NAALADL2: variants seen among roughly 807,000 people sequenced by gnomAD.
The protein encoded by NAALADL2 is N-acetylated alpha-linked acidic dipeptidase like 2, also known as inactive N-acetylated-alpha-linked acidic dipeptidase-like protein 2.
Under a neutral mutation model 87.2 loss-of-function variants are expected in NAALADL2, and 76 were observed. The observed-to-expected ratio is 0.87, with a 90% CI of 0.72 to 1.05. NAALADL2 has a LOEUF of 1.05. NAALADL2 is among the 50% of genes least tolerant of loss of function. The pLI, the probability that NAALADL2 is intolerant of heterozygous loss-of-function variation, is 0.00. For missense variants in NAALADL2, 1,089 were observed against 945.8 expected (o/e 1.15, Z -1.99); for synonymous variants, 354 against 331.0 (o/e 1.07, Z -0.75).
intron 9 of NAALADL2, among the ~76,000 whole-genome samples, chr3:175,533,289 A>G (rs1734348583): frequency 6.6e-6 from 1 of 152,214 alleles, no homozygotes; most frequent in Admixed American, 6.5e-5. Flanking sequence ...AGTGTAGCAC[A>G]TCTCCTCATG....
chr3:174,910,127 T>C (rs1049035393), intron 1 of NAALADL2, among the ~76,000 whole-genome samples: 3 of 151,942 alleles, frequency 2.0e-5, no homozygotes, highest in Non-Finnish European at 4.4e-5. Flanking sequence ...TTTTTAGAGA[T>C]TGGCTTTAAG....
At chr3:175,468,832 G>A (rs992136437) in intron 8 of NAALADL2, among the ~76,000 whole-genome samples, 3 of 151,980 alleles carry the variant, frequency 2.0e-5, no homozygotes, top group African/African-American at 7.2e-5. Flanking sequence ...ATCAATGTGG[G>A]CTTGCATGTG....
intron 3 of NAALADL2, among the ~76,000 whole-genome samples, chr3:174,772,687 G>A (rs1305353271): frequency 6.6e-6 from 1 of 152,094 alleles, no homozygotes; most frequent in Non-Finnish European, 1.5e-5. Context: ...TTACGTGAAT[G>A]AAGTCTGCGT....
Position 175,598,069 on chromosome 3 carries a change from G to A in NAALADL2, c.1800+21882G>A, listed in dbSNP as rs375060613. ...TCTTCCAAATATTATTCTATGTAAT[G>A]AGGGGCATAGCAAAACAGATAAAAC... On this transcript the variant is annotated intron_variant, in intron 10 of 13. Transcript: ENST00000454872. Among the ~76,000 whole-genome samples the A allele has an allele frequency of 3.6e-4, 54 of 152,016 alleles. No homozygotes were observed. The South Asian group carries it at 6.4e-3, about 18-fold the overall frequency.
intron 3 of NAALADL2, among the ~76,000 whole-genome samples, chr3:174,768,951 C>T (rs1001011468): frequency 6.6e-6 from 1 of 151,912 alleles, no homozygotes; most frequent in East Asian, 1.9e-4. Context: ...CCTTTAATTT[C>T]ATTAACTTAT....
chr3:174,730,163 G>A (rs1732566821), intron 2 of NAALADL2, among the ~76,000 whole-genome samples: 1 of 152,020 alleles, frequency 6.6e-6, no homozygotes, highest in Non-Finnish European at 1.5e-5. Context: ...TCTAAGTAGG[G>A]ATTATGTTTC....
chr3:175,209,406 T>G (rs1644721481), intron 2 of NAALADL2, among the ~76,000 whole-genome samples: 1 of 152,070 alleles, frequency 6.6e-6, no homozygotes, highest in Non-Finnish European at 1.5e-5. Context: ...TAGTACATGG[T>G]TATATTTCAG....
chr3:174,991,776 T>C (rs138053582), intron 1 of NAALADL2, among the ~76,000 whole-genome samples: 71 of 152,236 alleles, frequency 4.7e-4, no homozygotes, highest in African/African-American at 1.7e-3. Context: ...AGTATTATGT[T>C]TGAAAACATT....
rs77050596 is a variant in NAALADL2 at position 175,248,370 on chromosome 3, T to G, written c.820-8041T>G. On this transcript the variant is annotated intron_variant, in intron 3 of 13. Coordinates refer to ENST00000454872, the MANE Select transcript of NAALADL2 (RefSeq NM_207015.3). ...CAGTGCTGGGTATATAGAATGTACT[T>G]AATAAAAATATTTGTTTTTGGTGGT... Among the ~76,000 whole-genome samples, 1,019 of 152,324 alleles carry G rather than the reference T, an allele frequency of 6.7e-3. 2 individuals carry two copies. Among genetic ancestry groups the G allele is most frequent in the Non-Finnish European group, 0.011 (766 of 68,016 alleles).
At chr3:175,372,180 C>T (rs1581628009) in intron 5 of NAALADL2, among the ~76,000 whole-genome samples, 1 of 152,148 alleles carries the variant, frequency 6.6e-6, no homozygotes, top group South Asian at 2.1e-4. Context: ...ACTGCTAGTA[C>T]AGGAGTCGCT....
At chr3:174,651,147 A>G (rs1055423699) in intron 2 of NAALADL2, among the ~76,000 whole-genome samples, 1 of 152,168 alleles carries the variant, frequency 6.6e-6, no homozygotes, top group African/African-American at 2.4e-5. Context: ...TTTGAAAACT[A>G]TTGTTCATGG....
chr3:174,856,354 C>T (rs190070745), upstream of NAALADL2, among the ~76,000 whole-genome samples: 3 of 152,220 alleles, frequency 2.0e-5, no homozygotes, highest in Non-Finnish European at 4.4e-5. Context: ...CACACTTTTC[C>T]TTTCCACAAT....
At chr3:174,536,360 T>G (rs542504468) in intron 1 of NAALADL2, among the ~76,000 whole-genome samples, 4 of 152,226 alleles carry the variant, frequency 2.6e-5, no homozygotes, top group African/African-American at 9.6e-5. Flanking sequence ...TGAGATACGA[T>G]ATTGAAAATG....
intron 3 of NAALADL2, among the ~76,000 whole-genome samples, chr3:174,739,533 C>T (rs1270131780): frequency 6.6e-6 from 1 of 152,006 alleles, no homozygotes; most frequent in Non-Finnish European, 1.5e-5. Context: ...CGTATGTAGA[C>T]AGATTTGAGT....
intron 1 of NAALADL2, among the ~76,000 whole-genome samples, chr3:174,503,328 C>G (rs1351056191): frequency 1.3e-5 from 2 of 152,074 alleles, no homozygotes; most frequent in East Asian, 3.9e-4. Context: ...ATATGTTTTT[C>G]TTAAGAAAAC....
intron 1 of NAALADL2, among the ~76,000 whole-genome samples, chr3:175,015,382 G>A (rs1000426256): frequency 4.6e-5 from 7 of 152,070 alleles, no homozygotes; most frequent in Non-Finnish European, 1.0e-4. Flanking sequence ...TGAACATTAG[G>A]GAAAAGCCTG....
At chr3:175,041,338 TG>T (rs1421488947) in intron 1 of NAALADL2, among the ~76,000 whole-genome samples, 1 of 152,196 alleles carries the variant, frequency 6.6e-6, no homozygotes, top group African/African-American at 2.4e-5. Flanking sequence ...GTTTCAAATT[TG>T]CTGTTTCTAA....
At chr3:175,257,248 T>C (rs1750135025) in intron 4 of NAALADL2, 3 of 151,570 alleles carry the variant, frequency 2.0e-5, no homozygotes, top group Admixed American at 2.0e-4. Flanking sequence ...TCTCTGCTTC[T>C]GAAGATATAT....
At chr3:174,543,746 A>C (rs984277992) in intron 1 of NAALADL2, among the ~76,000 whole-genome samples, 2 of 152,142 alleles carry the variant, frequency 1.3e-5, no homozygotes, top group Non-Finnish European at 2.9e-5. Flanking sequence ...TGTGGCTCAC[A>C]CCTGTAATCC....
Sources: allele counts gnomAD v4.1 joint callset (sites outside exome capture counted in the v4.1 genomes callset), GRCh38; gene constraint gnomAD v4.1.1; transcripts MANE v1.5; gene names NCBI Gene and HGNC (gene_info 2026-07-23, HGNC 2026-07-21).